Variants in KDM5A observed in about 807,000 individuals in gnomAD.
KDM5A encodes lysine demethylase 5A, also known as lysine-specific demethylase 5A.
In KDM5A, 42 loss-of-function variants were observed where a neutral mutation model predicts 193.5. The observed-to-expected ratio is 0.22, with a 90% confidence interval of 0.17 to 0.28. The LOEUF (loss-of-function observed/expected upper bound fraction) is 0.28, where lower values mean the gene tolerates loss of function less well. Ranked by LOEUF, KDM5A falls within the 10% of genes least tolerant of loss-of-function variation. KDM5A has a pLI of 1.00. For missense variants in KDM5A, 1,692 were observed against 2,055.1 expected (o/e 0.82, Z 3.42); for synonymous variants, 796 against 718.1 (o/e 1.11, Z -1.73).
At chr12:316,985 T>A (rs929414749) in intron 19 of KDM5A, among the ~76,000 whole-genome samples, 3 of 152,224 alleles carry the variant, frequency 2.0e-5, no homozygotes, top group African/African-American at 4.8e-5. Context: ...CCCAGTTTCC[T>A]CATCCTCACA....
chr12:308,976 C>T (rs1010344573), intron 22 of KDM5A, among the ~76,000 whole-genome samples: 2 of 152,090 alleles, frequency 1.3e-5, no homozygotes, highest in Admixed American at 6.6e-5. Context: ...GGTATAATTC[C>T]TTTGAAAAAC....
At chr12:350,051 C>T (rs931792836) in intron 10 of KDM5A, among the ~76,000 whole-genome samples, 1 of 151,906 alleles carries the variant, frequency 6.6e-6, no homozygotes, top group African/African-American at 2.4e-5. Context: ...TCGCTTGAAC[C>T]CGGGAGGTGG....
intron 24 of KDM5A, among the ~76,000 whole-genome samples, chr12:299,050 G>A (rs1020457975): frequency 1.7e-4 from 26 of 152,098 alleles, no homozygotes; most frequent in Admixed American, 1.0e-3. Flanking sequence ...ATGGGACTAC[G>A]TGAAAAGACC....
At chr12:341,314 C>T (rs1333806758) in intron 10 of KDM5A, among the ~76,000 whole-genome samples, 2 of 152,162 alleles carry the variant, frequency 1.3e-5, no homozygotes, top group African/African-American at 4.8e-5. Flanking sequence ...AACATGTATA[C>T]ATTCCAACAT....
Position 363,017 on chromosome 12 carries a change from C to T in KDM5A, c.618G>A (p.Glu206=), listed in dbSNP as rs200026781. Residue 206 remains glutamate (E), a synonymous_variant, in exon 5 of 28, where the codon GAG becomes GAA. Coordinates refer to ENST00000399788, the MANE Select transcript of KDM5A (RefSeq NM_001042603.3). ...GCAGAATGTTCATCCTTGTGCCTGG[C>T]TCTGGGGAAGTTTGGGTATCAGTGC... The part of the protein sequence containing the change: ...VLSTDTQTSP[E]PGTRMNILPK... The T allele has an allele frequency of 1.2e-5, 20 of 1,614,140 alleles. No individual in the cohort carries two copies. The highest frequency in any genetic ancestry group is 4.2e-6 in the Non-Finnish European group (5 of 1,180,024).
intron 27 of KDM5A, among the ~76,000 whole-genome samples, chr12:287,123 A>G (rs1286724311): frequency 6.6e-6 from 1 of 152,138 alleles, no homozygotes; most frequent in Non-Finnish European, 1.5e-5. Flanking sequence ...TCATTACCCT[A>G]CACTACACAA....
At position 293,078 on chromosome 12, in the gene KDM5A, A is replaced by C. The variant is rs775544900; in HGVS notation, c.4547T>G (p.Leu1516Arg). The change falls in exon 27 of 28, where the codon CTT becomes CGT. Residue 1516 changes from leucine (L) to arginine (R), a missense_variant. Physicochemically the swap from Leu to Arg is moderately radical, Grantham distance 102 (BLOSUM62 -2). Coordinates refer to ENST00000399788, the MANE Select transcript of KDM5A (RefSeq NM_001042603.3). ...RKRKLEKVEQ[L>R]FGEGKQKSKE... Reference sequence around the variant, plus strand: ...GGACTTCTGTTTTCCTTCTCCAAAAAGTTGCTCTACCTTTTCTAGCTTCCG... The same window carrying C: ...GGACTTCTGTTTTCCTTCTCCAAAACGTTGCTCTACCTTTTCTAGCTTCCG... 6.3e-7 allele frequency: 1 copy of C among 1,587,776 alleles called. No individual in the cohort carries two copies. Among genetic ancestry groups the C allele is most frequent in the South Asian group, 1.2e-5 (1 of 85,090 alleles).
chr12:350,305 G>A (rs189616953), intron 10 of KDM5A, among the ~76,000 whole-genome samples: 80 of 151,734 alleles, frequency 5.3e-4, no homozygotes, highest in African/African-American at 1.3e-3. Context: ...GCATAATAGC[G>A]GGTGCCTGTA....
chr12:344,428 A>C (rs1944044531), intron 10 of KDM5A, among the ~76,000 whole-genome samples: 1 of 151,972 alleles, frequency 6.6e-6, no homozygotes. Flanking sequence ...CCACAAAAAT[A>C]CTCCTTGAGA....
At chr12:294,954 T>C (rs1943350244) in intron 26 of KDM5A, among the ~76,000 whole-genome samples, 1 of 152,198 alleles carries the variant, frequency 6.6e-6, no homozygotes, top group Admixed American at 6.5e-5. Flanking sequence ...ATGGAACTGC[T>C]ATGTAAGTGT....
At chr12:343,202 G>C (rs189890385) in intron 10 of KDM5A, among the ~76,000 whole-genome samples, 40 of 151,900 alleles carry the variant, frequency 2.6e-4, no homozygotes, top group Middle Eastern at 3.4e-3. Flanking sequence ...AATCTGCTGA[G>C]GCAGCAGCCT....
At position 307,172 on chromosome 12, in the gene KDM5A, T is replaced by C. The variant is rs1943518334; in HGVS notation, c.3931-83A>G. On this transcript the variant is annotated intron_variant, in intron 23 of 27. Transcript: ENST00000399788. This position sits in a 1 kb window ranked among gnomAD's most constrained non-coding sequence, Gnocchi z 4.3. ...TAATGTGTGCTTAAGATCACCAAAA[T>C]GTAATGAATAAGCAAAGTGGCTAAC... The C allele has an allele frequency of 1.3e-6, 2 of 1,522,284 alleles. No homozygotes were observed. The highest frequency in any genetic ancestry group is 1.8e-6 in the Non-Finnish European group (2 of 1,101,062). 94.3% of individuals were successfully genotyped at this position (1,522,284 alleles called of 1,614,324 possible).
intron 19 of KDM5A, 112 bp from the exon 20 acceptor site, chr12:313,306 A>C (rs1470074268): frequency 1.6e-6 from 2 of 1,247,210 alleles, no homozygotes; most frequent in African/African-American, 3.0e-5. Context: ...TCTTACCACA[A>C]TCCTATAAGG....
intron 3 of KDM5A, among the ~76,000 whole-genome samples, chr12:369,571 G>C (rs568857110): frequency 1.3e-5 from 2 of 152,236 alleles, no homozygotes. Flanking sequence ...AGTATTAAAC[G>C]ATTGCAAAAA....
intron 10 of KDM5A, among the ~76,000 whole-genome samples, chr12:344,457 A>G (rs1219950232): frequency 1.3e-5 from 2 of 152,202 alleles, no homozygotes; most frequent in Non-Finnish European, 2.9e-5. Flanking sequence ...CCCAAGACAC[A>G]TAATTGTCAG....
intron 5 of KDM5A, among the ~76,000 whole-genome samples, chr12:362,198 T>C (rs989592917): frequency 6.6e-6 from 1 of 152,046 alleles, no homozygotes; most frequent in African/African-American, 2.4e-5. Flanking sequence ...GGCACCTCAC[T>C]TTCTCAGTCT....
chr12:309,458 T>C (rs1419779640), intron 22 of KDM5A, among the ~76,000 whole-genome samples: 1 of 152,222 alleles, frequency 6.6e-6, no homozygotes, highest in Non-Finnish European at 1.5e-5. Context: ...GGGTTCATTA[T>C]ACATTGCTTC....
chr12:366,216 C>T (rs1272606245), intron 3 of KDM5A, 112 bp from the exon 4 acceptor site: 3 of 897,138 alleles, frequency 3.3e-6, no homozygotes, highest in Non-Finnish European at 5.3e-6. Flanking sequence ...TTCAAATTTC[C>T]TTTCAATGAG....
At chr12:302,424 A>T (rs1198010468) in intron 24 of KDM5A, among the ~76,000 whole-genome samples, 1 of 152,178 alleles carries the variant, frequency 6.6e-6, no homozygotes, top group East Asian at 1.9e-4. Flanking sequence ...TGGGGAAAGG[A>T]CTCCCTATTT....
Sources: gnomAD v4.1 joint callset for allele counts (sites outside exome capture counted in the v4.1 genomes callset) on GRCh38, gnomAD v4.1.1 for gene constraint, Gnocchi (gnomAD v3.1) non-coding constraint, MANE v1.5 for transcripts, NCBI Gene and HGNC (gene_info 2026-07-23, HGNC 2026-07-21) for gene names.